CA13: variants seen among roughly 807,000 people sequenced by gnomAD.
The protein encoded by CA13 is CA-XIII.
Under a neutral mutation model 31.5 loss-of-function variants are expected in CA13, and 21 were observed. The observed-to-expected ratio is 0.67, with a 90% confidence interval of 0.47 to 0.96. The LOEUF (loss-of-function observed/expected upper bound fraction) is 0.96, where lower values mean the gene tolerates loss of function less well. CA13 is among the 40% of genes least tolerant of loss of function. The probability of loss-of-function intolerance (pLI) is 0.00; values close to 1 mark genes in which losing one functional copy is unlikely to be tolerated. For missense variants in CA13, 315 were observed against 318.9 expected (o/e 0.99, Z 0.09); for synonymous variants, 117 against 111.4 (o/e 1.05, Z -0.32).
chr8:85,253,023 G>C (rs956989818), intron 2 of CA13, among the ~76,000 whole-genome samples: 1 of 151,196 alleles, frequency 6.6e-6, no homozygotes, highest in East Asian at 1.9e-4. Flanking sequence ...TCGGCTCACC[G>C]CAACCTCTGC....
At chr8:85,248,240 C>G (rs1348646657) in intron 1 of CA13, among the ~76,000 whole-genome samples, 1 of 152,034 alleles carries the variant, frequency 6.6e-6, no homozygotes. Context: ...GGTGGATCAC[C>G]TGAGATCGGG....
At chr8:85,246,824 A>G (rs1255856671) in intron 1 of CA13, among the ~76,000 whole-genome samples, 6 of 152,226 alleles carry the variant, frequency 3.9e-5, no homozygotes, top group African/African-American at 1.2e-4. Flanking sequence ...ACATAAATAT[A>G]TACAATTTTT....
rs2130029593 is a variant in CA13, at chr8:85,283,941, A to G, written c.*2592A>G. 1 of 152,278 alleles carries G rather than the reference A, an allele frequency of 6.6e-6. No individual in the cohort carries two copies. Among genetic ancestry groups the G allele is most frequent in the Admixed American group, 6.5e-5 (1 of 15,294 alleles). 9.4% of individuals were successfully genotyped at this position (152,278 alleles called of 1,614,324 possible). Reference sequence around the variant, plus strand: ...GGTTATATTGCCTCCTTTTTAAACAAATTAAAGAGTTGTAAATACTAGTGT... The same window carrying G: ...GGTTATATTGCCTCCTTTTTAAACAGATTAAAGAGTTGTAAATACTAGTGT... On this transcript the variant is annotated 3_prime_UTR_variant, in exon 7 of 7. Coordinates refer to ENST00000321764, the MANE Select transcript of CA13 (RefSeq NM_198584.3).
intron 4 of CA13, among the ~76,000 whole-genome samples, chr8:85,267,631 A>C (rs1327519950): frequency 1.3e-5 from 2 of 152,210 alleles, no homozygotes; most frequent in East Asian, 3.8e-4. Context: ...AAACACTGAT[A>C]AAACTTAACA....
At chr8:85,277,334 T>C (rs1396741371) in intron 6 of CA13, among the ~76,000 whole-genome samples, 1 of 150,836 alleles carries the variant, frequency 6.6e-6, no homozygotes, top group East Asian at 2.0e-4. Flanking sequence ...ACTCCAGACA[T>C]GCGCGGCCTT....
chr8:85,273,246 G>A (rs769992866), intron 6 of CA13, among the ~76,000 whole-genome samples: 17 of 152,214 alleles, frequency 1.1e-4, no homozygotes, highest in Middle Eastern at 3.4e-3. Flanking sequence ...TCTAACTTTA[G>A]GTATTCTAGT....
At chr8:85,258,212 G>A (rs1208767554) in intron 2 of CA13, among the ~76,000 whole-genome samples, 3 of 151,562 alleles carry the variant, frequency 2.0e-5, no homozygotes, top group Admixed American at 6.6e-5. Context: ...AGCTTCCAAC[G>A]CTTCCTGATT....
chr8:85,281,105 T>C, intron 6 of CA13, 125 bp from the exon 7 acceptor site: 1 of 1,187,160 alleles, frequency 8.4e-7, no homozygotes, highest in South Asian at 1.6e-5. Context: ...ATATGACATG[T>C]AACAGAAAAT....
chr8:85,259,565 TCA>T, intron 3 of CA13, 26 bp downstream of exon 3: 1 of 1,574,502 alleles, frequency 6.4e-7, no homozygotes, highest in East Asian at 2.2e-5. Context: ...TATCTGTGAT[TCA>T]CAGTTTTCCC....
At chr8:85,257,164 C>G (rs893072416) in intron 2 of CA13, among the ~76,000 whole-genome samples, 1 of 152,156 alleles carries the variant, frequency 6.6e-6, no homozygotes, top group African/African-American at 2.4e-5. Context: ...TCCCTACAAA[C>G]TAAAGTTTGT....
In CA13 at chr8:85,281,235, C is replaced by G; in HGVS notation, c.675C>G (p.Ala225=). 6.2e-7 allele frequency: 1 copy of G among 1,612,758 alleles called. No individual in the cohort carries two copies. The highest frequency in any genetic ancestry group is 2.2e-5 in the East Asian group (1 of 44,848). Residue 225 remains alanine (A), a synonymous_variant, in exon 7 of 7, where the codon GCC becomes GCG. Coordinates refer to ENST00000321764, the MANE Select transcript of CA13 (RefSeq NM_198584.3). ...QPINISSQQL[A]KFRSLLCTAE... ...ACTCTTTTCTTCTTCTACAGCTGGC[C>G]AAATTTCGCAGTCTCCTGTGCACAG...
chr8:85,266,127 T>G (rs1337208922), intron 3 of CA13, among the ~76,000 whole-genome samples: 1 of 152,186 alleles, frequency 6.6e-6, no homozygotes, highest in Non-Finnish European at 1.5e-5. Flanking sequence ...TCCAGTTACT[T>G]GGGAGCAATA....
At chr8:85,278,147 C>G (rs540887250) in intron 6 of CA13, among the ~76,000 whole-genome samples, 1 of 151,218 alleles carries the variant, frequency 6.6e-6, no homozygotes, top group African/African-American at 2.4e-5. Flanking sequence ...CTATATATAA[C>G]CTCAGCTACT....
intron 6 of CA13, among the ~76,000 whole-genome samples, chr8:85,278,081 C>A (rs561544663): frequency 6.6e-6 from 1 of 150,948 alleles, no homozygotes; most frequent in African/African-American, 2.4e-5. Flanking sequence ...GCCAACATAG[C>A]GAAACCCTGT....
At chr8:85,255,636 C>T (rs1463941955) in intron 2 of CA13, among the ~76,000 whole-genome samples, 2 of 152,106 alleles carry the variant, frequency 1.3e-5, no homozygotes, top group African/African-American at 4.8e-5. Context: ...CCTTGGCCTC[C>T]CAAAGTGCTG....
chr8:85,280,168 T>C (rs1807679949), intron 6 of CA13, among the ~76,000 whole-genome samples: 1 of 152,102 alleles, frequency 6.6e-6, no homozygotes, highest in African/African-American at 2.4e-5. Flanking sequence ...TAGTCCCAGC[T>C]ACTTAGGAGG....
chr8:85,281,103 T>C lies in CA13; in HGVS notation c.670-127T>C, dbSNP rs543652121. On this transcript the variant is annotated intron_variant, in intron 6 of 6. Coordinates refer to ENST00000321764, the MANE Select transcript of CA13 (RefSeq NM_198584.3). Reference sequence around the variant, plus strand: ...AAGAGTTGCTTTATTATATATGACATGTAACAGAAAATTTTCATTGCAGTA... The same window carrying C: ...AAGAGTTGCTTTATTATATATGACACGTAACAGAAAATTTTCATTGCAGTA... 10 of 1,161,280 alleles carry C rather than the reference T, an allele frequency of 8.6e-6. No homozygotes were observed. The African/African-American group carries it at 1.4e-4, about 16-fold the overall frequency. 71.9% of individuals were successfully genotyped at this position (1,161,280 alleles called of 1,614,324 possible).
At position 85,256,203 on chromosome 8, in the gene CA13, AC is replaced by A. The variant is rs542468550; in HGVS notation, c.236-3216del. 4.8e-4 allele frequency among the ~76,000 whole-genome samples: 73 copies of A among 152,326 alleles called. 1 individual carries two copies. In the East Asian group the frequency reaches 0.013, roughly 27 times the overall value. On this transcript the variant is annotated intron_variant, in intron 2 of 6. Coordinates refer to ENST00000321764, the MANE Select transcript of CA13 (RefSeq NM_198584.3). The stretch of plus-strand genomic sequence containing the variant: ...TAGTTAAACATTATTCATTGCTGGA[AC>A]CTTTATTTTTAAAAAATTTGTGGTA...
At chr8:85,276,637 C>T (rs940255395) in intron 6 of CA13, among the ~76,000 whole-genome samples, 1 of 151,722 alleles carries the variant, frequency 6.6e-6, no homozygotes, top group African/African-American at 2.4e-5. Flanking sequence ...CACCAATGGA[C>T]ACTCTGTATG....
Sources: gnomAD v4.1 joint callset for allele counts (sites outside exome capture counted in the v4.1 genomes callset) on GRCh38, gnomAD v4.1.1 for gene constraint, MANE v1.5 for transcripts, NCBI Gene and HGNC (gene_info 2026-07-23, HGNC 2026-07-21) for gene names.